Variants in RALYL observed in about 807,000 individuals in gnomAD.
RALYL encodes the protein RALY RNA binding protein like.
RALYL carries 29 observed loss-of-function variants against 35.1 expected under a neutral mutation model. That is an observed-to-expected ratio of 0.83 (90% confidence interval 0.61 to 1.13). The LOEUF (loss-of-function observed/expected upper bound fraction) is 1.13. Among genes scored for constraint, RALYL ranks in the 50% most tolerant of loss-of-function variants. The pLI is 0.00. For missense variants in RALYL, 359 were observed against 360.4 expected (o/e 1.00, Z 0.03); for synonymous variants, 120 against 127.6 (o/e 0.94, Z 0.40).
intron 2 of RALYL, among the ~76,000 whole-genome samples, chr8:84,648,765 C>A (rs1376604160): frequency 1.3e-5 from 2 of 150,770 alleles, no homozygotes; most frequent in African/African-American, 2.4e-5. Flanking sequence ...ATATTCAATG[C>A]ATTAAGTTGA....
At chr8:84,541,035 G>T (rs2059985053) in intron 2 of RALYL, among the ~76,000 whole-genome samples, 1 of 151,400 alleles carries the variant, frequency 6.6e-6, no homozygotes. Flanking sequence ...AGTCAGATTA[G>T]TCATCTATTC....
intron 4 of RALYL, among the ~76,000 whole-genome samples, chr8:84,817,246 T>C (rs184683573): frequency 6.6e-6 from 1 of 152,302 alleles, no homozygotes; most frequent in Non-Finnish European, 1.5e-5. Flanking sequence ...AATTTAGATC[T>C]TCAATATACT....
At chr8:84,270,906 A>G (rs1201741184) in intron 1 of RALYL, among the ~76,000 whole-genome samples, 1 of 152,176 alleles carries the variant, frequency 6.6e-6, no homozygotes, top group Non-Finnish European at 1.5e-5. Flanking sequence ...TAGAAGTCAG[A>G]GGAGTCAAAT....
chr8:84,326,104 A>G (rs1187663219), intron 1 of RALYL, among the ~76,000 whole-genome samples: 2 of 152,152 alleles, frequency 1.3e-5, no homozygotes, highest in Admixed American at 1.3e-4. Flanking sequence ...AGAGCAAGAC[A>G]CTGTCTCAAA....
chr8:84,203,818 A>G (rs1817463772), intron 1 of RALYL, among the ~76,000 whole-genome samples: 1 of 152,132 alleles, frequency 6.6e-6, no homozygotes, highest in Non-Finnish European at 1.5e-5. Flanking sequence ...TCTGGCATTC[A>G]TTCAATAATG....
intron 1 of RALYL, among the ~76,000 whole-genome samples, chr8:84,501,561 G>A (rs1041575994): frequency 6.6e-6 from 1 of 151,878 alleles, no homozygotes; most frequent in Non-Finnish European, 1.5e-5. Context: ...ATATTTCAGA[G>A]CAATTATTTG....
intron 1 of RALYL, among the ~76,000 whole-genome samples, chr8:84,186,680 G>A (rs1357501775): frequency 6.6e-6 from 1 of 152,186 alleles, no homozygotes; most frequent in Non-Finnish European, 1.5e-5. Context: ...TGTGAGGACA[G>A]AGAGGTAGTT....
intron 6 of RALYL, among the ~76,000 whole-genome samples, chr8:84,871,600 C>T (rs777976650): frequency 6.6e-6 from 1 of 152,162 alleles, no homozygotes; most frequent in Non-Finnish European, 1.5e-5. Flanking sequence ...TGCAATTCCA[C>T]AATGGTACTT....
At chr8:84,415,812 A>G (rs1303732923) in intron 1 of RALYL, among the ~76,000 whole-genome samples, 1 of 152,172 alleles carries the variant, frequency 6.6e-6, no homozygotes, top group Non-Finnish European at 1.5e-5. Context: ...GTGTTTCTGT[A>G]TTTGTATTGT....
At chr8:84,776,705 A>G (rs1401660624) in intron 3 of RALYL, among the ~76,000 whole-genome samples, 1 of 152,116 alleles carries the variant, frequency 6.6e-6, no homozygotes. Context: ...CAATGATGTT[A>G]ATTTTCATAT....
intron 1 of RALYL, among the ~76,000 whole-genome samples, chr8:84,242,016 C>T (rs1368831478): frequency 6.6e-6 from 1 of 152,126 alleles, no homozygotes; most frequent in Admixed American, 6.5e-5. Context: ...TCCCACACCC[C>T]CAACAGGCCC....
chr8:84,711,300 T>G (rs1303060368), intron 2 of RALYL, among the ~76,000 whole-genome samples: 1 of 152,196 alleles, frequency 6.6e-6, no homozygotes, highest in African/African-American at 2.4e-5. Context: ...ATGTATATAC[T>G]AACTTTTAGA....
intron 3 of RALYL, among the ~76,000 whole-genome samples, chr8:84,775,669 A>G (rs776367624): frequency 6.6e-6 from 1 of 152,154 alleles, no homozygotes; most frequent in Admixed American, 6.5e-5. Context: ...GTCTATATCT[A>G]TGCGGAGAAT....
chr8:84,496,646 T>G (rs2056058396), intron 1 of RALYL, among the ~76,000 whole-genome samples: 1 of 152,140 alleles, frequency 6.6e-6, no homozygotes, highest in Admixed American at 6.6e-5. Context: ...CATACATTAT[T>G]ATTCTTATGT....
At chr8:84,556,046 G>T (rs980016008) in intron 2 of RALYL, among the ~76,000 whole-genome samples, 55 of 152,260 alleles carry the variant, frequency 3.6e-4, no homozygotes, top group African/African-American at 1.2e-3. Context: ...TCTCTCCCCA[G>T]ATTAATTGCT....
At position 84,676,365 on chromosome 8, in the gene RALYL, G is replaced by T. The variant is rs549359368; in HGVS notation, c.257-98214G>T. Among the ~76,000 whole-genome samples, 40 of 152,246 alleles carry T rather than the reference G, an allele frequency of 2.6e-4. 1 individual carries two copies. In the South Asian group the frequency reaches 7.9e-3, roughly 30 times the overall value. On this transcript the variant is annotated intron_variant, in intron 2 of 8. Coordinates refer to ENST00000521268, the MANE Select transcript of RALYL (RefSeq NM_173848.7). ...CAGCAGAAATAGGTCTTAGTTTGTG[G>T]CTTGCATGCAAATATACAAAGCTTG...
In RALYL at chr8:84,809,868, C is replaced by T. The variant is rs186984634; in HGVS notation, c.365+5066C>T. On this transcript the variant is annotated intron_variant, in intron 4 of 8. Coordinates refer to ENST00000521268, the MANE Select transcript of RALYL (RefSeq NM_173848.7). ...CTTAATGAGGTTATTTGGATTTTCT[C>T]TCTTCTTTTCTTGGTTAATTTTGCT... Among the ~76,000 whole-genome samples the T allele has an allele frequency of 2.2e-3, 335 of 152,136 alleles. 2 individuals are homozygous for T. Among genetic ancestry groups the T allele is most frequent in the African/African-American group, 7.6e-3 (314 of 41,542 alleles).
chr8:84,384,822 A>G (rs1384641987), intron 1 of RALYL, among the ~76,000 whole-genome samples: 1 of 151,804 alleles, frequency 6.6e-6, no homozygotes, highest in Non-Finnish European at 1.5e-5. Flanking sequence ...CTCATTATGT[A>G]GTGGAGCTTA....
chr8:84,339,492 C>G (rs529669474), intron 1 of RALYL, among the ~76,000 whole-genome samples: 3 of 151,912 alleles, frequency 2.0e-5, no homozygotes, highest in Admixed American at 6.6e-5. Context: ...ATGGGACCAT[C>G]TAGTTGCAGG....
Sources: gnomAD v4.1 joint callset for allele counts (sites outside exome capture counted in the v4.1 genomes callset) on GRCh38, gnomAD v4.1.1 for gene constraint, MANE v1.5 for transcripts, NCBI Gene and HGNC (gene_info 2026-07-23, HGNC 2026-07-21) for gene names.